The following NOSTRIN variants were observed in gnomAD, a reference collection of about 807,000 sequenced individuals.
The protein encoded by NOSTRIN is BM247 homolog.
Under a neutral mutation model 59.0 loss-of-function variants are expected in NOSTRIN, and 63 were observed. The ratio of observed to expected loss-of-function variants is 1.07; its 90% confidence interval spans 0.87 to 1.32. The LOEUF is 1.32. NOSTRIN is among the 40% of genes most tolerant of loss of function. The pLI is 0.00. For missense variants in NOSTRIN, 512 were observed against 473.1 expected (o/e 1.08, Z -0.76); for synonymous variants, 200 against 165.4 (o/e 1.21, Z -1.61).
At chr2:168,843,424 G>A (rs566782344) in intron 8 of NOSTRIN, among the ~76,000 whole-genome samples, 1 of 152,306 alleles carries the variant, frequency 6.6e-6, no homozygotes, top group South Asian at 2.1e-4. Context: ...TAAGTGTTAG[G>A]TGCTTCAAAA....
chr2:168,857,099 G>C (rs1689177696), intron 12 of NOSTRIN, among the ~76,000 whole-genome samples: 2 of 152,310 alleles, frequency 1.3e-5, no homozygotes, highest in South Asian at 4.1e-4. Flanking sequence ...CAAAGGATCT[G>C]CATTCAGAAA....
At chr2:168,860,758 G>A (rs775457685) in intron 13 of NOSTRIN, 37 bp from the exon 14 acceptor site, 12 of 1,215,918 alleles carry the variant, frequency 9.9e-6, no homozygotes, top group East Asian at 4.7e-5. Context: ...TATGATAATC[G>A]TGTTACAAAA....
At chr2:168,854,494 G>A (rs768391757) in intron 10 of NOSTRIN, among the ~76,000 whole-genome samples, 4 of 152,076 alleles carry the variant, frequency 2.6e-5, no homozygotes, top group Non-Finnish European at 5.9e-5. Flanking sequence ...TTGAAATAAT[G>A]CATGTGAAAG....
At position 168,811,566 on chromosome 2, in the gene NOSTRIN, G is replaced by A; in HGVS notation, c.28-1G>A. The A allele has an allele frequency of 1.2e-6, 1 of 826,950 alleles. No individual in the cohort carries two copies. Among genetic ancestry groups the A allele is most frequent in the Non-Finnish European group, 2.1e-6 (1 of 482,226 alleles). The allele number at this position is 826,950 out of a possible 1,614,324, so 51.2% of individuals were successfully genotyped here. ...TTTTTGTTATTGTTCTTGTTTTTCAGTATAATAAAGTATACAAGAACCTAA... is the reference window on the plus strand; with the variant it reads ...TTTTTGTTATTGTTCTTGTTTTTCAATATAATAAAGTATACAAGAACCTAA... On this transcript the variant is annotated splice_acceptor_variant, in intron 1 of 15. Coordinates refer to ENST00000317647, the MANE Select transcript of NOSTRIN (RefSeq NM_001039724.4). LOFTEE classifies it high-confidence loss of function.
chr2:168,793,264 T>C (rs958089577), upstream of NOSTRIN, among the ~76,000 whole-genome samples: 5 of 152,152 alleles, frequency 3.3e-5, no homozygotes, highest in Non-Finnish European at 7.3e-5. Context: ...TTATCTCAGT[T>C]CTCTTTAGAG....
chr2:168,859,285 C>G (rs1689298054), intron 12 of NOSTRIN: 2 of 457,730 alleles, frequency 4.4e-6, no homozygotes, highest in Non-Finnish European at 7.4e-6. Context: ...CCTGTTCACC[C>G]CCAGAGTACA....
chr2:168,807,266 A>G (rs1199912060), intron 1 of NOSTRIN, among the ~76,000 whole-genome samples: 25 of 152,044 alleles, frequency 1.6e-4, no homozygotes, highest in Non-Finnish European at 3.5e-4. Context: ...ACACACACAT[A>G]CATACACACA....
At chr2:168,832,124 G>A (rs1687400566) in intron 6 of NOSTRIN, among the ~76,000 whole-genome samples, 1 of 152,120 alleles carries the variant, frequency 6.6e-6, no homozygotes, top group Non-Finnish European at 1.5e-5. Flanking sequence ...AATTTCATGA[G>A]TATGTGGGGT....
At chr2:168,794,260 G>A (rs1685426566), upstream of NOSTRIN, among the ~76,000 whole-genome samples, 1 of 152,060 alleles carries the variant, frequency 6.6e-6, no homozygotes, top group Non-Finnish European at 1.5e-5. Context: ...CAAAATGAAA[G>A]AACTCGTGTT....
intron 1 of NOSTRIN, among the ~76,000 whole-genome samples, chr2:168,808,992 T>A (rs1373415328): frequency 6.6e-6 from 1 of 152,224 alleles, no homozygotes; most frequent in Non-Finnish European, 1.5e-5. Flanking sequence ...TGTGTATTAT[T>A]ATTTTCTGTA....
chr2:168,850,415 TTCTTC>T (rs567946940), intron 8 of NOSTRIN, among the ~76,000 whole-genome samples: 1 of 152,212 alleles, frequency 6.6e-6, no homozygotes, highest in African/African-American at 2.4e-5. Flanking sequence ...GACTTTGGGA[TTCTTC>T]TCTTGTCAAA....
rs775043671 is a variant in NOSTRIN at position 168,831,513 on chromosome 2, C to T, written c.384C>T (p.Ser128=). 1 of 864,100 alleles carries T rather than the reference C, an allele frequency of 1.2e-6. No homozygotes were observed. Among genetic ancestry groups the T allele is most frequent in the South Asian group, 1.3e-5 (1 of 75,920 alleles). 53.5% of individuals were successfully genotyped at this position (864,100 alleles called of 1,614,324 possible). ...AAAAGACAGCAAATCTTGTCATTAG[C>T]AACTGGAATCAGCAAATTAAGGCAA... ...EVEKTANLVI[S]NWNQQIKAKK... The change falls in exon 6 of 16, where the codon AGC becomes AGT. Residue 128 remains serine (S), a synonymous_variant. Transcript: ENST00000317647.
chr2:168,814,209 C>T (rs144549135), intron 2 of NOSTRIN, among the ~76,000 whole-genome samples: 1 of 152,338 alleles, frequency 6.6e-6, no homozygotes, highest in Admixed American at 6.5e-5. Flanking sequence ...ATTTCTCTCC[C>T]ACACAGTGAC....
intron 7 of NOSTRIN, among the ~76,000 whole-genome samples, chr2:168,837,220 G>A (rs1574301737): frequency 1.3e-5 from 2 of 150,262 alleles, no homozygotes; most frequent in African/African-American, 4.9e-5. Context: ...TATTTATGGG[G>A]TCTCACATTC....
At chr2:168,823,563 G>T (rs1264218434) in intron 2 of NOSTRIN, among the ~76,000 whole-genome samples, 2 of 152,130 alleles carry the variant, frequency 1.3e-5, no homozygotes, top group Non-Finnish European at 2.9e-5. Context: ...TTTTCTCTGT[G>T]TACATGTCTG....
intron 1 of NOSTRIN, among the ~76,000 whole-genome samples, chr2:168,802,967 C>T (rs1484753491): frequency 6.6e-6 from 1 of 152,162 alleles, no homozygotes; most frequent in Non-Finnish European, 1.5e-5. Flanking sequence ...GGAAAACATT[C>T]TTAAGACATA....
At chr2:168,807,546 T>G (rs1685921022) in intron 1 of NOSTRIN, among the ~76,000 whole-genome samples, 1 of 152,192 alleles carries the variant, frequency 6.6e-6, no homozygotes, top group African/African-American at 2.4e-5. Context: ...GGGTAAAGAT[T>G]CTCTCCATTG....
chr2:168,799,056 A>AG (rs1685554186), upstream of NOSTRIN, among the ~76,000 whole-genome samples: 1 of 152,196 alleles, frequency 6.6e-6, no homozygotes, highest in Non-Finnish European at 1.5e-5. Flanking sequence ...TGTGATTCAC[A>AG]GAACAGTGTA....
At chr2:168,827,270 C>A (rs1213155224) in intron 3 of NOSTRIN, among the ~76,000 whole-genome samples, 1 of 152,174 alleles carries the variant, frequency 6.6e-6, no homozygotes, top group Non-Finnish European at 1.5e-5. Flanking sequence ...ATCACACTCC[C>A]TAATCCTCCC....
Sources: allele counts gnomAD v4.1 joint callset (sites outside exome capture counted in the v4.1 genomes callset), GRCh38; gene constraint gnomAD v4.1.1; transcripts MANE v1.5; gene names NCBI Gene and HGNC (gene_info 2026-07-23, HGNC 2026-07-21).